Variants in GRIA4 observed in about 807,000 individuals in gnomAD.
GRIA4 encodes the protein glutamate ionotropic receptor AMPA type subunit 4.
A neutral mutation model predicts 104.0 loss-of-function variants in GRIA4; 34 were observed. The observed-to-expected ratio is 0.33, with a 90% CI of 0.25 to 0.44. GRIA4 has a LOEUF of 0.44. Among genes scored for constraint, GRIA4 ranks in the 20% least tolerant of loss-of-function variants. The pLI is 1.00. For synonymous variants in GRIA4, 386 were observed against 381.9 expected (o/e 1.01, Z -0.13); for missense variants, 750 against 1,096.5 (o/e 0.68, Z 4.46).
chr11:105,810,754 C>T (rs1020173130), intron 4 of GRIA4, among the ~76,000 whole-genome samples: 1 of 151,872 alleles, frequency 6.6e-6, no homozygotes, highest in Non-Finnish European at 1.5e-5. Flanking sequence ...TCAGATAATC[C>T]CCCCACCCCA....
At chr11:105,748,004 T>C (rs1306055016) in intron 3 of GRIA4, among the ~76,000 whole-genome samples, 1 of 152,216 alleles carries the variant, frequency 6.6e-6, no homozygotes, top group African/African-American at 2.4e-5. Context: ...TCCTTAATAC[T>C]CCTAAGTACT....
Position 105,980,031 on chromosome 11 carries a change from A to C in GRIA4, c.*292A>C, listed in dbSNP as rs1309494160. On this transcript the variant is annotated 3_prime_UTR_variant, in exon 17 of 17. Coordinates refer to ENST00000282499, the MANE Select transcript of GRIA4 (RefSeq NM_000829.4). ...TATTAACAGCAACAAATTTCATTCG[A>C]GTGGACTCAAAAACTAATCAGACTT... 2 of 289,512 alleles carry C rather than the reference A, an allele frequency of 6.9e-6. No individual in the cohort carries two copies. The highest frequency in any genetic ancestry group is 1.3e-5 in the Non-Finnish European group (2 of 150,934). The allele number at this position is 289,512 out of a possible 1,614,324, so 17.9% of individuals were successfully genotyped here.
In GRIA4 at chr11:105,843,911, C is replaced by T. The variant is rs141742379; in HGVS notation, c.488-18113C>T. On this transcript the variant is annotated intron_variant, in intron 4 of 16. Coordinates refer to ENST00000282499, the MANE Select transcript of GRIA4 (RefSeq NM_000829.4). The stretch of plus-strand genomic sequence containing the variant: ...TCGCTTTTTTTCTGTCAATGCTTTT[C>T]GCCAGCTCTCAGTTACAAAAAGAAG... Among the ~76,000 whole-genome samples, 4 of 152,132 alleles carry T rather than the reference C, an allele frequency of 2.6e-5. No individual in the cohort carries two copies. The East Asian group carries it at 5.8e-4, about 22-fold the overall frequency.
intron 3 of GRIA4, among the ~76,000 whole-genome samples, chr11:105,710,084 TTTTA>T (rs1565482490): frequency 3.9e-5 from 6 of 152,176 alleles, no homozygotes; most frequent in Admixed American, 2.6e-4. Context: ...TCTTTTATTA[TTTTA>T]TTTGTTTATT....
At chr11:105,814,442 A>G (rs530878640) in intron 4 of GRIA4, among the ~76,000 whole-genome samples, 52 of 152,314 alleles carry the variant, frequency 3.4e-4, no homozygotes, top group African/African-American at 1.2e-3. Context: ...TTAAAATGAT[A>G]TGGCAACTAC....
chr11:105,646,319 C>T (rs1236140066), intron 3 of GRIA4, among the ~76,000 whole-genome samples: 3 of 152,196 alleles, frequency 2.0e-5, no homozygotes, highest in South Asian at 2.1e-4. Flanking sequence ...TCAAGATGGA[C>T]GTGGTGGCTC....
intron 3 of GRIA4, among the ~76,000 whole-genome samples, chr11:105,642,171 G>A (rs769294038): frequency 1.3e-5 from 2 of 152,064 alleles, no homozygotes; most frequent in Non-Finnish European, 2.9e-5. Context: ...GAGGTACTGG[G>A]AAGTTGTAAC....
intron 3 of GRIA4, 126 bp from the exon 4 acceptor site, chr11:105,752,855 T>TCTTATACA: frequency 1.2e-6 from 1 of 850,710 alleles, no homozygotes; most frequent in Non-Finnish European, 1.9e-6. Flanking sequence ...ATACTCTTTA[T>TCTTATACA]CTTATACTCC....
chr11:105,733,718 T>C (rs1025106648), intron 3 of GRIA4, among the ~76,000 whole-genome samples: 4 of 152,016 alleles, frequency 2.6e-5, no homozygotes, highest in Admixed American at 2.6e-4. Context: ...GGCCTCCCAG[T>C]GTTGGGATTA....
chr11:105,823,807 C>T (rs900919097), intron 4 of GRIA4, among the ~76,000 whole-genome samples: 2 of 151,982 alleles, frequency 1.3e-5, no homozygotes, highest in African/African-American at 4.8e-5. Flanking sequence ...TATCCCCCTC[C>T]AAATTCATAT....
In GRIA4 at chr11:105,791,708, T is replaced by C. The variant is rs754972232; in HGVS notation, c.487+38488T>C. Among the ~76,000 whole-genome samples the C allele has an allele frequency of 6.0e-4, 91 of 152,176 alleles. 2 individuals are homozygous for C. The highest frequency in any genetic ancestry group is 2.1e-4 in the South Asian group (1 of 4,824). ...AAAAGGAATGACCTAGCTCAACTTA[T>C]AGAGAATTTCTCATCATAAGATAGA... On this transcript the variant is annotated intron_variant, in intron 4 of 16. Coordinates refer to ENST00000282499, the MANE Select transcript of GRIA4 (RefSeq NM_000829.4).
chr11:105,892,012 A>C (rs1210266045), intron 6 of GRIA4, among the ~76,000 whole-genome samples: 2 of 152,076 alleles, frequency 1.3e-5, no homozygotes, highest in Non-Finnish European at 1.5e-5. Context: ...AGATACAAAA[A>C]TGAGGTTCAG....
intron 4 of GRIA4, among the ~76,000 whole-genome samples, chr11:105,808,239 C>T (rs1406694049): frequency 6.6e-6 from 1 of 151,744 alleles, no homozygotes; most frequent in African/African-American, 2.4e-5. Context: ...TAAAACACAC[C>T]CCTAGAGTCC....
rs542552852 is a variant in GRIA4 at position 105,796,090 on chromosome 11, T to G, written c.487+42870T>G. ...AACCTGTATCATTTTAAAATATATTTATATCAGGTGCTTCCATTTCAATTT... is the reference window on the plus strand; with the variant it reads ...AACCTGTATCATTTTAAAATATATTGATATCAGGTGCTTCCATTTCAATTT... On this transcript the variant is annotated intron_variant, in intron 4 of 16. Coordinates refer to ENST00000282499, the MANE Select transcript of GRIA4 (RefSeq NM_000829.4). 2.6e-5 allele frequency among the ~76,000 whole-genome samples: 4 copies of G among 152,242 alleles called. No individual in the cohort carries two copies. The South Asian group carries it at 8.3e-4, about 32-fold the overall frequency.
intron 4 of GRIA4, among the ~76,000 whole-genome samples, chr11:105,820,580 T>G (rs1437259227): frequency 6.6e-6 from 1 of 151,896 alleles, no homozygotes; most frequent in East Asian, 1.9e-4. Flanking sequence ...ATCCTCATTC[T>G]TCAACTGCCA....
chr11:105,662,139 A>T (rs1413175393), intron 3 of GRIA4, among the ~76,000 whole-genome samples: 1 of 151,914 alleles, frequency 6.6e-6, no homozygotes, highest in Non-Finnish European at 1.5e-5. Flanking sequence ...TATTTGAGTC[A>T]TAACGTAATC....
rs182113645 is a variant in GRIA4, at chr11:105,933,658, T to C, written c.2047-64T>C. The C allele has an allele frequency of 7.3e-5, 90 of 1,226,414 alleles. No homozygotes were observed. In the African/African-American group the frequency reaches 1.3e-3, roughly 17 times the overall value. The allele number at this position is 1,226,414 out of a possible 1,614,324, so 76.0% of individuals were successfully genotyped here. A position where few individuals can be genotyped will look rare whatever the true frequency, so the allele number is the denominator to read the frequency against. ...TAAAACGCTTTATTCTTATCTTGGT[T>C]CAGCGAATATTAACATGTTGTTCCC... is the stretch of plus-strand genomic sequence containing the variant. On this transcript the variant is annotated intron_variant, in intron 13 of 16. Transcript: ENST00000282499.
At chr11:105,720,399 A>C (rs1455383258) in intron 3 of GRIA4, among the ~76,000 whole-genome samples, 1 of 152,126 alleles carries the variant, frequency 6.6e-6, no homozygotes, top group African/African-American at 2.4e-5. Context: ...CAAAATGGAA[A>C]TCTTTCTTGT....
At chr11:105,644,853 ATCT>A (rs1179142503) in intron 3 of GRIA4, among the ~76,000 whole-genome samples, 2 of 152,294 alleles carry the variant, frequency 1.3e-5, no homozygotes, top group East Asian at 3.9e-4. Flanking sequence ...ATAAATAGTA[ATCT>A]TTAATATATG....
Sources: allele counts gnomAD v4.1 joint callset (sites outside exome capture counted in the v4.1 genomes callset), GRCh38; gene constraint gnomAD v4.1.1; transcripts MANE v1.5; gene names NCBI Gene and HGNC (gene_info 2026-07-23, HGNC 2026-07-21).